The following DLGAP2 variants were observed in gnomAD, a reference collection of about 807,000 sequenced individuals.
DLGAP2 encodes disks large-associated protein 2.
DLGAP2 carries 26 observed loss-of-function variants against 100.3 expected under a neutral mutation model. That is an observed-to-expected ratio of 0.26 (90% CI 0.19 to 0.36). DLGAP2 has a LOEUF of 0.36. DLGAP2 is among the 10% of genes least tolerant of loss of function. The probability of loss-of-function intolerance (pLI) is 1.00; values close to 1 mark genes in which losing one functional copy is unlikely to be tolerated. For missense variants in DLGAP2, 1,858 were observed against 1,453.2 expected, an observed-to-expected ratio of 1.28 and a Z score of -4.53; for synonymous variants, 886 against 630.1, an observed-to-expected ratio of 1.41 and a Z score of -6.08.
chr8:1,091,423 C>T (rs991223541), intron 2 of DLGAP2, among the ~76,000 whole-genome samples: 3 of 152,196 alleles, frequency 2.0e-5, no homozygotes, highest in African/African-American at 4.8e-5. Context: ...TCTAGTAAGA[C>T]GCTAACTATT....
intron 2 of DLGAP2, among the ~76,000 whole-genome samples, chr8:1,044,711 A>G (rs755392317): frequency 2.0e-5 from 3 of 152,152 alleles, no homozygotes; most frequent in Non-Finnish European, 2.9e-5. Flanking sequence ...GTTTCTGCTG[A>G]GCTACTCCTT....
chr8:1,202,168 G>C (rs1430794876), intron 2 of DLGAP2, among the ~76,000 whole-genome samples: 1 of 152,022 alleles, frequency 6.6e-6, no homozygotes, highest in African/African-American at 2.4e-5. Context: ...TACAGTATCT[G>C]TGTATCTGTG....
intron 12 of DLGAP2, among the ~76,000 whole-genome samples, chr8:1,682,633 C>G (rs1168528549): frequency 6.6e-6 from 1 of 151,432 alleles, no homozygotes; most frequent in Non-Finnish European, 1.5e-5. Flanking sequence ...CACCACAGCA[C>G]CTGGCTAATT....
At chr8:963,058 G>T (rs1197176643) in intron 2 of DLGAP2, among the ~76,000 whole-genome samples, 1 of 152,166 alleles carries the variant, frequency 6.6e-6, no homozygotes, top group Admixed American at 6.5e-5. Context: ...GGACTGTGTG[G>T]GCTTCGGTGC....
chr8:1,509,330 A>AAAAAAAAT (rs1800073628), intron 4 of DLGAP2, among the ~76,000 whole-genome samples: 1 of 85,122 alleles, frequency 1.2e-5, no homozygotes, highest in Admixed American at 1.3e-4. Flanking sequence ...ACTCCGTCCA[A>AAAAAAAAT]AAAAAAAAAA....
intron 2 of DLGAP2, among the ~76,000 whole-genome samples, chr8:1,115,301 A>T (rs1002802): frequency 0.072 from 10,951 of 152,192 alleles, 1,131 homozygotes; most frequent in African/African-American, 0.23. Flanking sequence ...GACGTCTTCC[A>T]CTATTATTGT....
At chr8:1,671,486 G>T (rs1267382136) in intron 10 of DLGAP2, among the ~76,000 whole-genome samples, 2 of 152,212 alleles carry the variant, frequency 1.3e-5, no homozygotes, top group Non-Finnish European at 2.9e-5. Flanking sequence ...CGCCCTCTGT[G>T]AGTCACTGGC....
At chr8:1,177,560 C>T (rs1374880399) in intron 2 of DLGAP2, among the ~76,000 whole-genome samples, 2 of 152,166 alleles carry the variant, frequency 1.3e-5, no homozygotes, top group Non-Finnish European at 2.9e-5. Context: ...TGTCTTTACT[C>T]TTAGATGACT....
chr8:1,561,846 C>T (rs1275145945), intron 5 of DLGAP2, among the ~76,000 whole-genome samples: 1 of 24,596 alleles, frequency 4.1e-5, no homozygotes, highest in Non-Finnish European at 7.3e-5. Flanking sequence ...TGGGTGTCCG[C>T]GCCTCGTTAC....
intron 2 of DLGAP2, among the ~76,000 whole-genome samples, chr8:1,114,474 G>T (rs1403570012): frequency 6.6e-6 from 1 of 152,144 alleles, no homozygotes; most frequent in Non-Finnish European, 1.5e-5. Flanking sequence ...AGGTTTTCTA[G>T]ATTGTGTGCA....
intron 3 of DLGAP2, among the ~76,000 whole-genome samples, chr8:1,322,165 A>C (rs555658328): frequency 1.3e-5 from 2 of 152,344 alleles, no homozygotes; most frequent in East Asian, 3.9e-4. Context: ...TGTTCCTTCA[A>C]CATAGGTGAA....
intron 6 of DLGAP2, among the ~76,000 whole-genome samples, chr8:1,592,303 A>G (rs1796316543): frequency 6.6e-6 from 1 of 152,214 alleles, no homozygotes; most frequent in Non-Finnish European, 1.5e-5. Flanking sequence ...GATTATGTTC[A>G]GTAAAAATCT....
intron 6 of DLGAP2, among the ~76,000 whole-genome samples, chr8:1,577,689 C>G (rs1803045713): frequency 6.6e-6 from 1 of 152,100 alleles, no homozygotes; most frequent in African/African-American, 2.4e-5. Context: ...CCTGGTGTCC[C>G]TGCAGCAGGG....
chr8:1,564,587 A>G (rs1802321137), intron 5 of DLGAP2, among the ~76,000 whole-genome samples: 1 of 152,236 alleles, frequency 6.6e-6, no homozygotes, highest in Non-Finnish European at 1.5e-5. Flanking sequence ...TGGCAGATAT[A>G]TAACAGGCAT....
At chr8:1,636,773 C>T (rs1344742453) in intron 8 of DLGAP2, among the ~76,000 whole-genome samples, 1 of 152,164 alleles carries the variant, frequency 6.6e-6, no homozygotes, top group Non-Finnish European at 1.5e-5. Flanking sequence ...AACTGATATG[C>T]AAGTTTGCCT....
At chr8:1,293,378 C>T (rs374809903) in intron 3 of DLGAP2, among the ~76,000 whole-genome samples, 16 of 151,812 alleles carry the variant, frequency 1.1e-4, no homozygotes, top group East Asian at 5.8e-4. Flanking sequence ...GGCTCCCGGA[C>T]GGCTGAGCCA....
intron 3 of DLGAP2, among the ~76,000 whole-genome samples, chr8:1,326,760 G>C (rs73670757): frequency 0.018 from 2,682 of 152,292 alleles, 88 homozygotes; most frequent in African/African-American, 0.061. Context: ...TTTCCAACTG[G>C]AGAGACTAAG....
Position 872,066 on chromosome 8 carries a change from CATT to C in DLGAP2, c.19-35845_19-35843del, listed in dbSNP as rs1385089843. 5.3e-5 allele frequency among the ~76,000 whole-genome samples: 8 copies of C among 152,178 alleles called. No individual in the cohort carries two copies. In the East Asian group the frequency reaches 7.7e-4, roughly 15 times the overall value. Reference sequence around the variant, plus strand: ...GTGCTGTTCTTGTTTAGGTTTATATCATTGTTTTCATTGCTTAGAAACTTAAGA... The same window carrying C: ...GTGCTGTTCTTGTTTAGGTTTATATCGTTTTCATTGCTTAGAAACTTAAGA... On this transcript the variant is annotated intron_variant, in intron 1 of 14. Transcript: ENST00000637795.
chr8:811,997 C>T (rs901346700), intron 1 of DLGAP2, among the ~76,000 whole-genome samples: 1 of 152,212 alleles, frequency 6.6e-6, no homozygotes, highest in Non-Finnish European at 1.5e-5. Context: ...TCTGGAAGGA[C>T]ATGGGGTGGT....
Sources: gnomAD v4.1 joint callset for allele counts (sites outside exome capture counted in the v4.1 genomes callset) on GRCh38, gnomAD v4.1.1 for gene constraint, MANE v1.5 for transcripts, NCBI Gene and HGNC (gene_info 2026-07-23, HGNC 2026-07-21) for gene names.